Variants in KCNT1 observed in about 807,000 individuals in gnomAD.
KCNT1 encodes the protein potassium channel subfamily T member 1.
A neutral mutation model predicts 147.8 loss-of-function variants in KCNT1; 78 were observed. That is an observed-to-expected ratio of 0.53 (90% CI 0.44 to 0.64). KCNT1 has a LOEUF of 0.64. Among genes scored for constraint, KCNT1 ranks in the 30% least tolerant of loss-of-function variants. The pLI is 0.00. For synonymous variants in KCNT1, 867 were observed against 748.8 expected (o/e 1.16, Z -2.58); for missense variants, 1,419 against 1,750.3 (o/e 0.81, Z 3.38).
chr9:135,769,569 A>T (rs905252858), intron 15 of KCNT1, among the ~76,000 whole-genome samples: 13 of 152,180 alleles, frequency 8.5e-5, no homozygotes, highest in African/African-American at 2.9e-4. Flanking sequence ...GCACCGTCTG[A>T]TGAGCACCTC....
chr9:135,703,337 C>T (rs999950124), intron 1 of KCNT1, among the ~76,000 whole-genome samples: 1 of 152,166 alleles, frequency 6.6e-6, no homozygotes, highest in Non-Finnish European at 1.5e-5. Flanking sequence ...AGGCCTGGTG[C>T]GGCTGCCTGT....
intron 2 of KCNT1, among the ~76,000 whole-genome samples, chr9:135,731,378 C>G (rs1489554611): frequency 6.6e-6 from 1 of 152,182 alleles, no homozygotes; most frequent in East Asian, 1.9e-4. Flanking sequence ...TTTACTCCAC[C>G]AAGGTTTAAA....
Position 135,735,211 on chromosome 9 carries a change from G to C in KCNT1, c.255-14887G>C, listed in dbSNP as rs186257275. 1.3e-3 allele frequency among the ~76,000 whole-genome samples: 196 copies of C among 152,334 alleles called. 5 individuals are homozygous for C. In the East Asian group the frequency reaches 0.033, roughly 25 times the overall value. Reference sequence around the variant, plus strand: ...GGAGCGTGTGCTCAGACCACACACAGTGGCTTTTCAGGGGATTTTCCTTAC... The same window carrying C: ...GGAGCGTGTGCTCAGACCACACACACTGGCTTTTCAGGGGATTTTCCTTAC... On this transcript the variant is annotated intron_variant, in intron 2 of 30. Transcript: ENST00000371757.
intron 24 of KCNT1, among the ~76,000 whole-genome samples, chr9:135,781,547 A>T (rs1233978301): frequency 6.6e-6 from 1 of 152,204 alleles, no homozygotes; most frequent in Non-Finnish European, 1.5e-5. Flanking sequence ...CACCTGTGGC[A>T]GCTTCAGATC....
intron 11 of KCNT1, among the ~76,000 whole-genome samples, chr9:135,760,847 G>A (rs1238560291): frequency 6.6e-6 from 1 of 152,240 alleles, no homozygotes; most frequent in Non-Finnish European, 1.5e-5. Context: ...ACCGTCCAGT[G>A]CCACGAGTCC....
At chr9:135,791,715 AG>A in intron 29 of KCNT1, 81 bp from the exon 30 acceptor site, 1 of 1,180,446 alleles carries the variant, frequency 8.5e-7, no homozygotes, top group South Asian at 1.2e-5. Flanking sequence ...CTCATCCTGG[AG>A]CCCCCACACC....
intron 2 of KCNT1, among the ~76,000 whole-genome samples, chr9:135,733,965 C>T (rs1480164914): frequency 6.7e-6 from 1 of 150,118 alleles, no homozygotes; most frequent in African/African-American, 2.5e-5. Flanking sequence ...CCCCCCTAGT[C>T]CTTCAGGAAG....
chr9:135,771,822 G>A (rs555208021), intron 18 of KCNT1, among the ~76,000 whole-genome samples: 1 of 152,318 alleles, frequency 6.6e-6, no homozygotes, highest in South Asian at 2.1e-4. Flanking sequence ...GCCAGGCCAG[G>A]AAGCCACTCA....
chr9:135,732,426 G>A (rs1830139300), intron 2 of KCNT1, among the ~76,000 whole-genome samples: 1 of 152,146 alleles, frequency 6.6e-6, no homozygotes. Flanking sequence ...GGATCTTGTT[G>A]TGCCTTTGCT....
rs571260830 is a variant in KCNT1, at chr9:135,778,297, C to T, written c.2523-127C>T. On this transcript the variant is annotated intron_variant, in intron 21 of 30. Coordinates refer to ENST00000371757, the MANE Select transcript of KCNT1 (RefSeq NM_020822.3). ...TGGCCTTAAAGTACTCCCCAGGTCCCATACGCTGCGGTTCTGGGGAACCCC... is the reference window on the plus strand; with the variant it reads ...TGGCCTTAAAGTACTCCCCAGGTCCTATACGCTGCGGTTCTGGGGAACCCC... 15 of 765,432 alleles carry T rather than the reference C, an allele frequency of 2.0e-5. No homozygotes were observed. In the African/African-American group the frequency reaches 2.1e-4, roughly 11 times the overall value. 47.4% of individuals were successfully genotyped at this position (765,432 alleles called of 1,614,324 possible).
rs1052851416 is a variant in KCNT1, at chr9:135,786,552, A to C, written c.3502+31A>C. ...GGCACACGGCGCGGGTGGGGGCCGG[A>C]CGGACGGACTGGGCCAGGGTCGGGC... On this transcript the variant is annotated intron_variant, in intron 29 of 30. Transcript: ENST00000371757. 9.8e-6 allele frequency: 15 copies of C among 1,531,268 alleles called. No homozygotes were observed. In the East Asian group the frequency reaches 1.2e-4, roughly 12 times the overall value. 94.9% of individuals were successfully genotyped at this position (1,531,268 alleles called of 1,614,324 possible).
chr9:135,727,740 A>C (rs907673041), intron 2 of KCNT1, among the ~76,000 whole-genome samples: 1 of 152,168 alleles, frequency 6.6e-6, no homozygotes, highest in Non-Finnish European at 1.5e-5. Flanking sequence ...GCTGGCCTGG[A>C]TTCTCCGGAC....
chr9:135,779,703 T>A (rs1489294904), intron 24 of KCNT1, among the ~76,000 whole-genome samples: 1 of 152,228 alleles, frequency 6.6e-6, no homozygotes, highest in Non-Finnish European at 1.5e-5. Flanking sequence ...ACTGGGAATG[T>A]GGCCCATAGC....
At chr9:135,768,334 T>A (rs1832466983) in intron 13 of KCNT1, 1 of 103,784 alleles carries the variant, frequency 9.6e-6, no homozygotes. Context: ...GGGGACACTG[T>A]GATGTGGGTT....
chr9:135,742,483 C>T (rs1048547996), intron 2 of KCNT1, among the ~76,000 whole-genome samples: 8 of 152,294 alleles, frequency 5.3e-5, no homozygotes, highest in South Asian at 2.1e-4. Flanking sequence ...GACCTCCAAG[C>T]GGGCTGTGCT....
At chr9:135,743,131 G>A (rs1489046025) in intron 2 of KCNT1, among the ~76,000 whole-genome samples, 1 of 152,126 alleles carries the variant, frequency 6.6e-6, no homozygotes, top group Non-Finnish European at 1.5e-5. Context: ...CAGGCAGGCA[G>A]GCAGCTGCTG....
At chr9:135,742,787 T>G in intron 2 of KCNT1, 1 of 717,288 alleles carries the variant, frequency 1.4e-6, no homozygotes, top group Non-Finnish European at 2.6e-6. Context: ...CTGTAGAAGA[T>G]TTCAGCCTGG....
At chr9:135,743,689 C>G (rs1017104164) in intron 2 of KCNT1, among the ~76,000 whole-genome samples, 7 of 152,236 alleles carry the variant, frequency 4.6e-5, no homozygotes, top group Non-Finnish European at 1.0e-4. Context: ...GAAATGGATG[C>G]GTCTGCAGCC....
intron 13 of KCNT1, chr9:135,766,738 C>G (rs1832316613): frequency 6.6e-6 from 1 of 152,500 alleles, no homozygotes; most frequent in Admixed American, 6.5e-5. Flanking sequence ...AGGCCCTTGT[C>G]CCTGCACCAT....
Sources: allele counts gnomAD v4.1 joint callset (sites outside exome capture counted in the v4.1 genomes callset), GRCh38; gene constraint gnomAD v4.1.1; transcripts MANE v1.5; gene names NCBI Gene and HGNC (gene_info 2026-07-23, HGNC 2026-07-21).